CHMP1A: variants seen among roughly 807,000 people sequenced by gnomAD.
CHMP1A encodes charged multivesicular body protein 1A, also known as VPS46 homolog A.
CHMP1A carries 17 observed loss-of-function variants against 27.0 expected under a neutral mutation model. The observed-to-expected ratio is 0.63, with a 90% confidence interval of 0.43 to 0.95. The LOEUF (loss-of-function observed/expected upper bound fraction) is 0.95, where lower values mean the gene tolerates loss of function less well. Ranked by LOEUF, CHMP1A falls within the 40% of genes least tolerant of loss-of-function variation. The pLI is 0.00. For synonymous variants in CHMP1A, 131 were observed against 107.5 expected (o/e 1.22, Z -1.35); for missense variants, 275 against 264.0 (o/e 1.04, Z -0.29).
chr16:89,646,004 G>T lies in CHMP1A; in HGVS notation c.*62C>A, dbSNP rs1359854587. 1.2e-6 allele frequency: 2 copies of T among 1,610,726 alleles called. No homozygotes were observed. Among genetic ancestry groups the T allele is most frequent in the Admixed American group, 3.4e-5 (2 of 59,356 alleles). On this transcript the variant is annotated 3_prime_UTR_variant, in exon 7 of 7. Transcript: ENST00000397901. Reference sequence around the variant, plus strand: ...CAGCACAAAGGCAAGACGCGGTGGGGAGAGGACAGGAGCCTTCCAGCACAT... The same window carrying T: ...CAGCACAAAGGCAAGACGCGGTGGGTAGAGGACAGGAGCCTTCCAGCACAT...
rs866908253 is a variant in CHMP1A at position 89,648,359 on chromosome 16, T to C, written c.252+992A>G. ...GTCGGTGGAGAAAAGGCCGCCGACG[T>C]GGAGACCCAGCGCGGGGTCGGTGGA... On this transcript the variant is annotated intron_variant, in intron 4 of 6. Coordinates refer to ENST00000397901, the MANE Select transcript of CHMP1A (RefSeq NM_002768.5). Among the ~76,000 whole-genome samples, 2 of 70,232 alleles carry C rather than the reference T, an allele frequency of 2.8e-5. 1 individual carries two copies. The highest frequency in any genetic ancestry group is 5.6e-5 in the Non-Finnish European group (2 of 35,980). The allele number at this position is 70,232 out of a possible 152,430, so 46.1% of individuals were successfully genotyped here. A position where few individuals can be genotyped will look rare whatever the true frequency, so the allele number is the denominator to read the frequency against.
At chr16:89,646,968 G>A in intron 5 of CHMP1A, 1 of 1,376,598 alleles carries the variant, frequency 7.3e-7, no homozygotes, top group Non-Finnish European at 9.6e-7. Context: ...ATGCTTGTCT[G>A]CCATCCGAGC....
At chr16:89,647,418 G>A (rs2059783972) in intron 4 of CHMP1A, 87 bp from the exon 5 acceptor site, 2 of 1,335,940 alleles carry the variant, frequency 1.5e-6, no homozygotes, top group East Asian at 2.4e-5. Flanking sequence ...ACTCTGACAG[G>A]AGAGCTGGGG....
chr16:89,647,028 A>G (rs2151511588), intron 5 of CHMP1A, 175 bp downstream of exon 5: 1 of 1,520,128 alleles, frequency 6.6e-7, no homozygotes. Flanking sequence ...CGCCCTGCCC[A>G]CCCTACCTGT....
chr16:89,652,627 C>T (rs1164406652), intron 2 of CHMP1A, among the ~76,000 whole-genome samples: 1 of 152,214 alleles, frequency 6.6e-6, no homozygotes, highest in Non-Finnish European at 1.5e-5. Context: ...GAACCACAGA[C>T]GCCCTGGTAC....
rs143538264 is a variant in CHMP1A, at chr16:89,649,813, T to C, written c.106-316A>G. On this transcript the variant is annotated intron_variant, in intron 3 of 6. Transcript: ENST00000397901. ...GGATGGCCTCGATCTCCTGACCTCG[T>C]GATCTGCCCGCCTCGGCCTCCCAAA... 0.024 allele frequency among the ~76,000 whole-genome samples: 3,714 copies of C among 152,286 alleles called. 688 individuals carry two copies. The East Asian group carries it at 0.5, about 21-fold the overall frequency.
chr16:89,647,048 G>A (rs1470525991), intron 5 of CHMP1A, 155 bp downstream of exon 5: 6 of 1,529,190 alleles, frequency 3.9e-6, no homozygotes, highest in Non-Finnish European at 2.6e-6. Flanking sequence ...TCAGGGTCCT[G>A]GCAGGGACCC....
At chr16:89,648,699 C>T (rs374038047) in intron 4 of CHMP1A, among the ~76,000 whole-genome samples, 55 of 151,132 alleles carry the variant, frequency 3.6e-4, no homozygotes, top group Middle Eastern at 3.4e-3. Context: ...GAGACCAGAG[C>T]GGCCAACATA....
chr16:89,649,345 A>G lies in CHMP1A; in HGVS notation c.252+6T>C, dbSNP rs1238549855. The G allele has an allele frequency of 1.2e-6, 2 of 1,609,930 alleles. No individual in the cohort carries two copies. Among genetic ancestry groups the G allele is most frequent in the Non-Finnish European group, 1.7e-6 (2 of 1,177,138 alleles). On this transcript the variant is annotated splice_donor_region_variant and intron_variant, in intron 4 of 6. Coordinates refer to ENST00000397901, the MANE Select transcript of CHMP1A (RefSeq NM_002768.5). The stretch of plus-strand genomic sequence containing the variant: ...CACCCATCCAGCACCAGGGCCCAGC[A>G]CTCACCCCCTTCATAGTCACAGCTG...
chr16:89,652,993 C>T (rs1289714379), intron 2 of CHMP1A, among the ~76,000 whole-genome samples: 1 of 151,140 alleles, frequency 6.6e-6, no homozygotes, highest in Non-Finnish European at 1.5e-5. Flanking sequence ...GGCCTAATGC[C>T]CAAGTTGTCT....
At chr16:89,651,538 A>C (rs773691319) in intron 3 of CHMP1A, 31 bp downstream of exon 3, 16 of 1,602,190 alleles carry the variant, frequency 1.0e-5, no homozygotes, top group Non-Finnish European at 1.4e-5. Context: ...AAACCAGGAG[A>C]GTCATGACCC....
At chr16:89,654,758 C>T (rs191794010) in intron 1 of CHMP1A, among the ~76,000 whole-genome samples, 7 of 152,168 alleles carry the variant, frequency 4.6e-5, no homozygotes, top group Admixed American at 1.3e-4. Context: ...CTGGCTAACA[C>T]GGTAAAAGCC....
chr16:89,656,047 G>GT lies in CHMP1A; in HGVS notation c.7+1534dup, dbSNP rs538280700. ...ATATTTTTTGTGGCGGGAGGTAGATGTTATCTTTCATCTTCTCTCAGGGCA... is the reference window on the plus strand; with the variant it reads ...ATATTTTTTGTGGCGGGAGGTAGATGTTTATCTTTCATCTTCTCTCAGGGCA... On this transcript the variant is annotated intron_variant, in intron 1 of 6. Transcript: ENST00000397901. 7.2e-5 allele frequency among the ~76,000 whole-genome samples: 11 copies of GT among 152,180 alleles called. No individual in the cohort carries two copies. The South Asian group carries it at 2.3e-3, about 32-fold the overall frequency.
At chr16:89,649,594 G>C (rs1384801512) in intron 3 of CHMP1A, 97 bp from the exon 4 acceptor site, 2 of 1,452,050 alleles carry the variant, frequency 1.4e-6, no homozygotes, top group African/African-American at 2.8e-5. Context: ...TGTTTTGTTT[G>C]AGACGGAGTC....
Position 89,646,088 on chromosome 16 carries a change from C to T in CHMP1A, c.570-1G>A. ...CGGCTAGTTCCTCAAGGCGGCCAAC[C>T]TGGAAACCAACAACAGGACTCGGGT... On this transcript the variant is annotated splice_acceptor_variant, in intron 6 of 6. Coordinates refer to ENST00000397901, the MANE Select transcript of CHMP1A (RefSeq NM_002768.5). LOFTEE classifies it high-confidence loss of function. 1.3e-6 allele frequency: 2 copies of T among 1,543,802 alleles called. No individual in the cohort carries two copies. The highest frequency in any genetic ancestry group is 1.7e-6 in the Non-Finnish European group (2 of 1,145,454).
rs139505634 is a variant in CHMP1A, at chr16:89,653,503, G to C, written c.27+401C>G. On this transcript the variant is annotated intron_variant, in intron 2 of 6. Transcript: ENST00000397901. ...CTGGGCATGGTGGTGGGCGCCTGTA[G>C]TCCCAGCTACTCAGGAGGCTAAGGC... Among the ~76,000 whole-genome samples the C allele has an allele frequency of 1.7e-3, 262 of 150,100 alleles. 1 individual carries two copies. The highest frequency in any genetic ancestry group is 5.7e-3 in the African/African-American group (233 of 41,042).
At chr16:89,657,280 T>G (rs1365550869) in intron 1 of CHMP1A, among the ~76,000 whole-genome samples, 12 of 85,304 alleles carry the variant, frequency 1.4e-4, no homozygotes, top group South Asian at 8.1e-4. Context: ...GTTGGTGGTC[T>G]AGGCCCTGGG....
At position 89,646,059 on chromosome 16, in the gene CHMP1A, G is replaced by C; in HGVS notation, c.*7C>G. The C allele has an allele frequency of 6.4e-7, 1 of 1,567,388 alleles. No homozygotes were observed. The highest frequency in any genetic ancestry group is 8.6e-7 in the Non-Finnish European group (1 of 1,156,850). ...GGGCAGAGGCGGTGCACACCGGCGG[G>C]GCACGGCTAGTTCCTCAAGGCGGCC... On this transcript the variant is annotated 3_prime_UTR_variant, in exon 7 of 7. Transcript: ENST00000397901.
chr16:89,657,459 G>A lies in CHMP1A; in HGVS notation c.7+123C>T. On this transcript the variant is annotated intron_variant, in intron 1 of 6. Transcript: ENST00000397901. Reference sequence around the variant, plus strand: ...CCTGGGGATGGGGTCCCGGGGGATCGACGGTCGAGGCCCGAGCTCTCCTGA... The same window carrying A: ...CCTGGGGATGGGGTCCCGGGGGATCAACGGTCGAGGCCCGAGCTCTCCTGA... 5 of 1,247,466 alleles carry A rather than the reference G, an allele frequency of 4.0e-6. No individual in the cohort carries two copies. In the South Asian group the frequency reaches 6.6e-5, roughly 16 times the overall value. 77.3% of individuals were successfully genotyped at this position (1,247,466 alleles called of 1,614,324 possible).
Sources: gnomAD v4.1 joint callset for allele counts (sites outside exome capture counted in the v4.1 genomes callset) on GRCh38, gnomAD v4.1.1 for gene constraint, MANE v1.5 for transcripts, NCBI Gene and HGNC (gene_info 2026-07-23, HGNC 2026-07-21) for gene names.